The following ATP8A2 variants were observed in gnomAD, a reference collection of about 807,000 sequenced individuals.
The protein encoded by ATP8A2 is phospholipid-transporting ATPase IB.
ATP8A2 carries 100 observed loss-of-function variants against 165.6 expected under a neutral mutation model. That is an observed-to-expected ratio of 0.60 (90% CI 0.51 to 0.71). The LOEUF is 0.71. Ranked by LOEUF, ATP8A2 falls within the 30% of genes least tolerant of loss-of-function variation. ATP8A2 has a pLI of 0.00. For missense variants in ATP8A2, 1,227 were observed against 1,479.5 expected (o/e 0.83, Z 2.80); for synonymous variants, 543 against 548.8 (o/e 0.99, Z 0.15).
intron 33 of ATP8A2, among the ~76,000 whole-genome samples, chr13:25,882,532 C>T (rs1316125593): frequency 6.6e-6 from 1 of 152,172 alleles, no homozygotes. Context: ...AGGTTAAGAA[C>T]AACTCCATTG....
chr13:25,673,701 A>G (rs918271960), intron 24 of ATP8A2, among the ~76,000 whole-genome samples: 3 of 152,194 alleles, frequency 2.0e-5, no homozygotes, highest in African/African-American at 7.2e-5. Context: ...GGTGCGTAGG[A>G]AAAATGGTTT....
intron 10 of ATP8A2, among the ~76,000 whole-genome samples, chr13:25,544,901 T>C (rs922413674): frequency 7.0e-6 from 1 of 142,516 alleles, no homozygotes; most frequent in Middle Eastern, 3.3e-3. Flanking sequence ...GCGTGAATTT[T>C]ATGAGTGAGT....
At chr13:25,400,187 G>C (rs1302035028) in intron 1 of ATP8A2, among the ~76,000 whole-genome samples, 4 of 152,150 alleles carry the variant, frequency 2.6e-5, no homozygotes, top group Non-Finnish European at 5.9e-5. Flanking sequence ...GCCTCCTAAA[G>C]TGGCTGGGAT....
chr13:26,013,687 A>G lies in ATP8A2; in HGVS notation c.3469+1065A>G, dbSNP rs1247826292. Among the ~76,000 whole-genome samples the G allele has an allele frequency of 3.0e-3, 12 of 4,048 alleles. No individual in the cohort carries two copies. In the Non-Finnish European group the frequency reaches 0.11, roughly 38 times the overall value. 2.7% of individuals were successfully genotyped at this position (4,048 alleles called of 152,430 possible). On this transcript the variant is annotated intron_variant, in intron 36 of 36. Transcript: ENST00000381655. Reference sequence around the variant, plus strand: ...GAAACTTGGTCTCAAAAAAAAAAAAAAAGAAAGAAAGAAAGAGACAGATTT... The same window carrying G: ...GAAACTTGGTCTCAAAAAAAAAAAAGAAGAAAGAAAGAAAGAGACAGATTT...
rs2039792238 is a variant in ATP8A2, at chr13:25,582,066, A to G, written c.2146+109A>G. Reference sequence around the variant, plus strand: ...CAAATTCATTGACAGATGATGTTTTATAGGAATCTTCATTCACAAGGCTAA... The same window carrying G: ...CAAATTCATTGACAGATGATGTTTTGTAGGAATCTTCATTCACAAGGCTAA... On this transcript the variant is annotated intron_variant, in intron 23 of 36. Coordinates refer to ENST00000381655, the MANE Select transcript of ATP8A2 (RefSeq NM_016529.6). The G allele has an allele frequency of 9.8e-6, 11 of 1,124,434 alleles. No individual in the cohort carries two copies. In the East Asian group the frequency reaches 2.5e-4, roughly 26 times the overall value. The allele number at this position is 1,124,434 out of a possible 1,614,324, so 69.7% of individuals were successfully genotyped here. A position where few individuals can be genotyped will look rare whatever the true frequency, so the allele number is the denominator to read the frequency against.
At chr13:25,656,602 C>G (rs530457174) in intron 24 of ATP8A2, among the ~76,000 whole-genome samples, 1 of 149,858 alleles carries the variant, frequency 6.7e-6, no homozygotes, top group East Asian at 2.1e-4. Context: ...ACTTAAAAGT[C>G]CCAATGGATT....
chr13:25,772,179 C>T (rs1339421549), intron 26 of ATP8A2, among the ~76,000 whole-genome samples: 1 of 152,198 alleles, frequency 6.6e-6, no homozygotes. Flanking sequence ...TGGTGCTCCC[C>T]TAGCCCTTGG....
chr13:25,634,369 C>G (rs1215312358), intron 24 of ATP8A2, among the ~76,000 whole-genome samples: 2 of 152,132 alleles, frequency 1.3e-5, no homozygotes, highest in Non-Finnish European at 2.9e-5. Flanking sequence ...TAAATACTAG[C>G]CTTTAAAATG....
chr13:25,586,096 G>T (rs2039913671), intron 23 of ATP8A2, among the ~76,000 whole-genome samples: 1 of 152,156 alleles, frequency 6.6e-6, no homozygotes, highest in Non-Finnish European at 1.5e-5. Flanking sequence ...TTCCCTTGGA[G>T]AATTTAAAAG....
intron 27 of ATP8A2, among the ~76,000 whole-genome samples, chr13:25,778,589 T>A (rs1312103555): frequency 1.3e-5 from 2 of 152,210 alleles, no homozygotes; most frequent in Non-Finnish European, 2.9e-5. Context: ...GGATACGATT[T>A]CTGAAACATA....
chr13:25,611,137 T>G (rs953313429), intron 24 of ATP8A2, among the ~76,000 whole-genome samples: 2 of 152,118 alleles, frequency 1.3e-5, no homozygotes, highest in Non-Finnish European at 2.9e-5. Context: ...TGCCCTTTAT[T>G]TCTTTCTCTT....
chr13:25,874,642 T>C (rs746102921), intron 33 of ATP8A2, among the ~76,000 whole-genome samples: 17 of 152,128 alleles, frequency 1.1e-4, no homozygotes, highest in Non-Finnish European at 1.8e-4. Flanking sequence ...GCAGCTAATA[T>C]GGAAAACAGC....
rs1331368851 is a variant in ATP8A2, at chr13:25,373,722, T to C, written c.76+1434T>C. On this transcript the variant is annotated intron_variant, in intron 1 of 36. Coordinates refer to ENST00000381655, the MANE Select transcript of ATP8A2 (RefSeq NM_016529.6). Reference sequence around the variant, plus strand: ...AACTGCGGAGGACCAGGGTTCTCTTTTGCGGTAAGGGAGGGTGTGAAGAAT... The same window carrying C: ...AACTGCGGAGGACCAGGGTTCTCTTCTGCGGTAAGGGAGGGTGTGAAGAAT... 2.6e-5 allele frequency among the ~76,000 whole-genome samples: 4 copies of C among 152,138 alleles called. No individual in the cohort carries two copies. In the East Asian group the frequency reaches 7.7e-4, roughly 29 times the overall value.
chr13:25,894,876 A>C (rs1377516223), intron 33 of ATP8A2, among the ~76,000 whole-genome samples: 1 of 152,118 alleles, frequency 6.6e-6, no homozygotes, highest in African/African-American at 2.4e-5. Context: ...ATTTTTGCAC[A>C]TTGATTTTGT....
At chr13:25,381,140 T>A (rs1344319760) in intron 1 of ATP8A2, among the ~76,000 whole-genome samples, 1 of 152,312 alleles carries the variant, frequency 6.6e-6, no homozygotes, top group South Asian at 2.1e-4. Context: ...ATGGAGAGGA[T>A]CTTCAACACA....
At chr13:25,626,732 A>C (rs917537189) in intron 24 of ATP8A2, among the ~76,000 whole-genome samples, 1 of 152,138 alleles carries the variant, frequency 6.6e-6, no homozygotes, top group African/African-American at 2.4e-5. Flanking sequence ...ATAAAGACAT[A>C]CCTGAGACTC....
chr13:25,906,298 C>T (rs1383228521), intron 33 of ATP8A2, among the ~76,000 whole-genome samples: 2 of 138,850 alleles, frequency 1.4e-5, no homozygotes, highest in South Asian at 2.5e-4. Context: ...TCCTGTATTA[C>T]TTCCTGTCTT....
At chr13:25,850,345 A>G (rs981624070) in intron 30 of ATP8A2, among the ~76,000 whole-genome samples, 5 of 152,128 alleles carry the variant, frequency 3.3e-5, no homozygotes, top group Non-Finnish European at 5.9e-5. Context: ...TTTGGAGCCT[A>G]TACATTTGAC....
intron 33 of ATP8A2, among the ~76,000 whole-genome samples, chr13:25,937,848 C>CA (rs57258286): frequency 0.026 from 2,196 of 83,178 alleles, 96 homozygotes; most frequent in African/African-American, 0.077. Context: ...GACTCCGTCT[C>CA]AAAAAAAAAA....
Sources: gnomAD v4.1 joint callset for allele counts (sites outside exome capture counted in the v4.1 genomes callset) on GRCh38, gnomAD v4.1.1 for gene constraint, MANE v1.5 for transcripts, NCBI Gene and HGNC (gene_info 2026-07-23, HGNC 2026-07-21) for gene names.